SORBS2: variants seen among roughly 807,000 people sequenced by gnomAD.
The protein encoded by SORBS2 is sorbin and SH3 domain-containing protein 2.
Under a neutral mutation model 97.7 loss-of-function variants are expected in SORBS2, and 46 were observed. The observed-to-expected ratio is 0.47, with a 90% confidence interval of 0.37 to 0.60. The LOEUF is 0.60. SORBS2 is among the 20% of genes least tolerant of loss of function. The pLI, the probability that SORBS2 is intolerant of heterozygous loss-of-function variation, is 0.00. For missense variants in SORBS2, 1,316 were observed against 1,282.3 expected (o/e 1.03, Z -0.40); for synonymous variants, 476 against 473.4 (o/e 1.01, Z -0.07).
intron 1 of SORBS2, among the ~76,000 whole-genome samples, chr4:185,822,633 T>C (rs2099197436): frequency 6.6e-6 from 1 of 152,170 alleles, no homozygotes; most frequent in Admixed American, 6.5e-5. Context: ...ACTAAGTAGA[T>C]TGTGGCACAG....
intron 12 of SORBS2, among the ~76,000 whole-genome samples, chr4:185,603,799 T>G (rs1433119470): frequency 1.3e-5 from 2 of 152,202 alleles, no homozygotes; most frequent in African/African-American, 2.4e-5. Flanking sequence ...AAATAGTATC[T>G]TTAGGTTAAA....
intron 2 of SORBS2, among the ~76,000 whole-genome samples, chr4:185,651,222 C>T (rs565838141): frequency 1.3e-5 from 2 of 152,286 alleles, no homozygotes; most frequent in South Asian, 4.1e-4. Flanking sequence ...GACCCCTGCA[C>T]GAGATACCAA....
intron 1 of SORBS2, among the ~76,000 whole-genome samples, chr4:185,920,948 ATGAGGGTT>A (rs1459045436): frequency 2.0e-5 from 3 of 152,196 alleles, no homozygotes; most frequent in Non-Finnish European, 4.4e-5. Flanking sequence ...ATGTCCCATC[ATGAGGGTT>A]TGAGTAGCGA....
intron 2 of SORBS2, chr4:185,740,416 G>C (rs1329575339): frequency 6.6e-6 from 1 of 152,360 alleles, no homozygotes; most frequent in Non-Finnish European, 1.5e-5. Context: ...GGAGTGGGCA[G>C]GCCAAGTTCT....
At chr4:185,889,396 C>T (rs1037687979) in intron 1 of SORBS2, among the ~76,000 whole-genome samples, 4 of 151,868 alleles carry the variant, frequency 2.6e-5, no homozygotes, top group African/African-American at 7.3e-5. Context: ...CCTCACCATT[C>T]ACGCATTCTA....
chr4:185,778,849 T>TC (rs2099013428), intron 1 of SORBS2, among the ~76,000 whole-genome samples: 1 of 146,316 alleles, frequency 6.8e-6, no homozygotes, highest in African/African-American at 2.5e-5. Flanking sequence ...TCTACAATTG[T>TC]TAGAACTGGT....
intron 7 of SORBS2, among the ~76,000 whole-genome samples, chr4:185,621,134 A>G (rs964399584): frequency 6.6e-6 from 1 of 152,324 alleles, no homozygotes; most frequent in African/African-American, 2.4e-5. Flanking sequence ...CAGACTAACA[A>G]GAAGCATTAA....
At chr4:185,715,473 A>G (rs2098458183) in intron 2 of SORBS2, among the ~76,000 whole-genome samples, 1 of 152,034 alleles carries the variant, frequency 6.6e-6, no homozygotes, top group African/African-American at 2.4e-5. Flanking sequence ...AAAAAGAAAT[A>G]ATTTAACCTA....
intron 1 of SORBS2, among the ~76,000 whole-genome samples, chr4:185,786,400 A>T (rs1286174382): frequency 1.3e-5 from 2 of 152,236 alleles, no homozygotes; most frequent in Non-Finnish European, 2.9e-5. Flanking sequence ...AGAGTCTATC[A>T]TTCCTCTAGC....
chr4:185,587,355 AT>A, exon 15 of SORBS2: 2 of 301,232 alleles, frequency 6.6e-6, no homozygotes, highest in South Asian at 1.7e-4. Context: ...AAATATCATG[AT>A]TTTTTTCTTT....
chr4:185,635,859 ATTTT>A (rs1203177812), intron 4 of SORBS2, among the ~76,000 whole-genome samples: 2 of 151,722 alleles, frequency 1.3e-5, no homozygotes, highest in Non-Finnish European at 2.9e-5. Flanking sequence ...ATTTTATTTT[ATTTT>A]ATTTTATTTT....
At chr4:185,757,022 G>A in intron 2 of SORBS2, 13 of 964,010 alleles carry the variant, frequency 1.3e-5, no homozygotes, top group Non-Finnish European at 2.2e-5. Flanking sequence ...AGACGTGAGT[G>A]GCATCAATGT....
At chr4:185,938,389 TACACACACACAC>T (rs34337257) in intron 1 of SORBS2, among the ~76,000 whole-genome samples, 25 of 136,524 alleles carry the variant, frequency 1.8e-4, no homozygotes, top group East Asian at 1.3e-3. Context: ...TGTAGACACA[TACACACACACAC>T]ACACACACAC....
intron 2 of SORBS2, among the ~76,000 whole-genome samples, chr4:185,751,190 A>AG (rs749470182): frequency 0.011 from 913 of 86,514 alleles, 75 homozygotes; most frequent in African/African-American, 0.034. Context: ...AAAAAAAAAA[A>AG]AGAGAAAGAG....
intron 2 of SORBS2, among the ~76,000 whole-genome samples, chr4:185,710,715 T>C (rs898029404): frequency 5.9e-5 from 9 of 152,192 alleles, no homozygotes; most frequent in African/African-American, 2.2e-4. Context: ...GTTTCAGAAC[T>C]TGAGTGATGG....
At chr4:185,930,565 TG>T (rs1224572164) in intron 1 of SORBS2, among the ~76,000 whole-genome samples, 1 of 152,208 alleles carries the variant, frequency 6.6e-6, no homozygotes, top group East Asian at 1.9e-4. Context: ...CCCAAAGTGC[TG>T]GGATTACAGG....
chr4:185,680,676 G>A (rs1296507743), intron 2 of SORBS2, among the ~76,000 whole-genome samples: 2 of 152,148 alleles, frequency 1.3e-5, no homozygotes, highest in Non-Finnish European at 2.9e-5. Flanking sequence ...AAAAAAGAAG[G>A]CTGTGTGTTA....
chr4:185,709,411 T>C (rs998713620), intron 2 of SORBS2, among the ~76,000 whole-genome samples: 14 of 151,406 alleles, frequency 9.2e-5, no homozygotes, highest in African/African-American at 3.4e-4. Flanking sequence ...CAAAGACTAA[T>C]CTTTTTTATT....
At chr4:185,743,104 G>A (rs1583906047) in intron 2 of SORBS2, among the ~76,000 whole-genome samples, 1 of 152,160 alleles carries the variant, frequency 6.6e-6, no homozygotes, top group South Asian at 2.1e-4. Context: ...TTAGAAAGGG[G>A]GTAAGGTTGA....
Sources: gnomAD v4.1 joint callset for allele counts (sites outside exome capture counted in the v4.1 genomes callset) on GRCh38, gnomAD v4.1.1 for gene constraint, MANE v1.5 for transcripts, NCBI Gene and HGNC (gene_info 2026-07-23, HGNC 2026-07-21) for gene names.